Variants in KIF5B observed in about 807,000 individuals in gnomAD.
KIF5B encodes the protein kinesin-1 heavy chain.
In KIF5B, 49 loss-of-function variants were observed where a neutral mutation model predicts 132.8. That is an observed-to-expected ratio of 0.37 (90% CI 0.29 to 0.47). KIF5B has a LOEUF of 0.47. KIF5B is among the 20% of genes least tolerant of loss of function. The probability of loss-of-function intolerance (pLI) is 1.00; values close to 1 mark genes in which losing one functional copy is unlikely to be tolerated. For synonymous variants in KIF5B, 355 were observed against 369.4 expected (o/e 0.96, Z 0.45); for missense variants, 780 against 1,144.0 (o/e 0.68, Z 4.59).
At chr10:32,020,106 C>T in intron 19 of KIF5B, 147 bp from the exon 20 acceptor site, 1 of 557,372 alleles carries the variant, frequency 1.8e-6, no homozygotes, top group Non-Finnish European at 3.1e-6. Context: ...AGGAAAGGGA[C>T]CTGGCTACTT....
At chr10:32,055,808 C>A in intron 1 of KIF5B, 40 bp downstream of exon 1, 2 of 1,604,100 alleles carry the variant, frequency 1.2e-6, no homozygotes, top group South Asian at 1.1e-5. Flanking sequence ...CAGGCCGGCC[C>A]GAAGAAGCGG....
intron 2 of KIF5B, 27 bp from the exon 3 acceptor site, chr10:32,040,484 G>T: frequency 7.3e-7 from 1 of 1,376,870 alleles, no homozygotes; most frequent in South Asian, 1.2e-5. Context: ...TATAGTTCAG[G>T]GGATTTTTTC....
intron 12 of KIF5B, among the ~76,000 whole-genome samples, chr10:32,033,518 T>C (rs1841425993): frequency 6.6e-6 from 1 of 152,040 alleles, no homozygotes. Flanking sequence ...CCCAAAACCA[T>C]CTCCCCGACC....
intron 10 of KIF5B, 106 bp from the exon 11 acceptor site, chr10:32,034,944 T>A: frequency 1.2e-6 from 1 of 827,086 alleles, no homozygotes; most frequent in Non-Finnish European, 1.7e-6. Context: ...GCTTGTCCAG[T>A]AATCTCTTAG....
At chr10:32,034,084 G>T in intron 11 of KIF5B, 46 bp from the exon 12 acceptor site, 6 of 1,172,896 alleles carry the variant, frequency 5.1e-6, no homozygotes, top group Admixed American at 5.3e-5. Flanking sequence ...GACGTCTAAA[G>T]CTAATTTCAA....
chr10:32,030,432 T>C lies in KIF5B; in HGVS notation c.1581+641A>G, dbSNP rs560934941. Among the ~76,000 whole-genome samples, 209 of 151,838 alleles carry C rather than the reference T, an allele frequency of 1.4e-3. 2 individuals carry two copies. Among genetic ancestry groups the C allele is most frequent in the Middle Eastern group, 3.4e-3 (1 of 294 alleles). ...TCGGGAGACTGAGGCAGGAGAATCA[T>C]TGAACCCAGGAGGCAGAGGATGCAG... On this transcript the variant is annotated intron_variant, in intron 14 of 25. Coordinates refer to ENST00000302418, the MANE Select transcript of KIF5B (RefSeq NM_004521.3).
At chr10:32,040,571 A>G in intron 2 of KIF5B, 114 bp from the exon 3 acceptor site, 1 of 647,686 alleles carries the variant, frequency 1.5e-6, no homozygotes, top group East Asian at 2.7e-5. Context: ...AAAATTACTT[A>G]ATGTTACAGG....
chr10:32,021,245 T>G lies in KIF5B; in HGVS notation c.2075A>C (p.Gln692Pro). Residue 692 changes from glutamine (Q) to proline (P), a missense_variant, in exon 18 of 26, where the codon CAG (glutamine) becomes CCG (proline). Coordinates refer to ENST00000302418, the MANE Select transcript of KIF5B (RefSeq NM_004521.3). ...EMEKEHLNKV[Q>P]TANEVKQAVE... ...ACTTGCCTTAACTTCATTTGCAGTC[T>G]GAACCTTATTTAAGTGCTCCTTTTC... is the stretch of plus-strand genomic sequence containing the variant. The G allele has an allele frequency of 6.2e-7, 1 of 1,613,228 alleles. No homozygotes were observed. Among genetic ancestry groups the G allele is most frequent in the East Asian group, 2.2e-5 (1 of 44,832 alleles).
chr10:32,048,638 T>C, intron 1 of KIF5B, 87 bp from the exon 2 acceptor site: 5 of 929,130 alleles, frequency 5.4e-6, no homozygotes, highest in Non-Finnish European at 8.4e-6. Context: ...ATAATATATT[T>C]AATCCTCAAA....
intron 25 of KIF5B, among the ~76,000 whole-genome samples, chr10:32,011,810 A>G (rs1042270562): frequency 6.6e-6 from 1 of 152,116 alleles, no homozygotes; most frequent in African/African-American, 2.4e-5. Flanking sequence ...TGATTTATGA[A>G]TTGTATTTGT....
intron 13 of KIF5B, among the ~76,000 whole-genome samples, chr10:32,031,983 G>C (rs1240542348): frequency 2.0e-5 from 3 of 149,394 alleles, no homozygotes; most frequent in Non-Finnish European, 4.5e-5. Flanking sequence ...TGGGGAACAA[G>C]AGCAAGACTT....
intron 1 of KIF5B, among the ~76,000 whole-genome samples, chr10:32,054,953 T>C (rs1206242230): frequency 1.3e-5 from 2 of 152,010 alleles, no homozygotes; most frequent in East Asian, 1.9e-4. Context: ...TTCTTCAAGA[T>C]AGACCTTAAC....
Position 32,014,078 on chromosome 10 carries a change from T to A in KIF5B, c.*20+1431A>T, listed in dbSNP as rs78756330. 2.6e-5 allele frequency among the ~76,000 whole-genome samples: 4 copies of A among 152,318 alleles called. No individual in the cohort carries two copies. In the South Asian group the frequency reaches 8.3e-4, roughly 32 times the overall value. Reference sequence around the variant, plus strand: ...CATTTCATAATTATCTAGTATTTTTTATTTCCAAAGCACATACACACATCA... The same window carrying A: ...CATTTCATAATTATCTAGTATTTTTAATTTCCAAAGCACATACACACATCA... On this transcript the variant is annotated intron_variant, in intron 25 of 25. Coordinates refer to ENST00000302418, the MANE Select transcript of KIF5B (RefSeq NM_004521.3).
At position 32,019,976 on chromosome 10, in the gene KIF5B, A is replaced by G. The variant is rs764576884; in HGVS notation, c.2205-17T>C. The G allele has an allele frequency of 9.3e-6, 14 of 1,503,546 alleles. No individual in the cohort carries two copies. Among genetic ancestry groups the G allele is most frequent in the Admixed American group, 1.9e-5 (1 of 53,928 alleles). The allele number at this position is 1,503,546 out of a possible 1,614,324, so 93.1% of individuals were successfully genotyped here. A position where few individuals can be genotyped will look rare whatever the true frequency, so the allele number is the denominator to read the frequency against. On this transcript the variant is annotated splice_polypyrimidine_tract_variant and intron_variant, in intron 19 of 25. Coordinates refer to ENST00000302418, the MANE Select transcript of KIF5B (RefSeq NM_004521.3). ...TGGTTTTGGCTGACGAAAGAAAAAA[A>G]TAATTAACACAGTATCAATATCACA...
intron 15 of KIF5B, among the ~76,000 whole-genome samples, chr10:32,024,073 A>AG (rs1841301641): frequency 6.7e-6 from 1 of 149,214 alleles, no homozygotes; most frequent in Middle Eastern, 3.5e-3. Flanking sequence ...ACAAAAAAAA[A>AG]AAAACAAGAC....
intron 14 of KIF5B, among the ~76,000 whole-genome samples, chr10:32,030,241 G>A (rs1209467402): frequency 1.3e-5 from 2 of 152,152 alleles, no homozygotes; most frequent in Admixed American, 1.3e-4. Context: ...TAGTCGCCAG[G>A]CACGGTGGCT....
intron 2 of KIF5B, among the ~76,000 whole-genome samples, chr10:32,044,220 A>G (rs1428981879): frequency 6.6e-6 from 1 of 152,226 alleles, no homozygotes; most frequent in Non-Finnish European, 1.5e-5. Context: ...ACTGACATAA[A>G]TTACAAAGGT....
chr10:32,042,437 T>C (rs1284332983), intron 2 of KIF5B, among the ~76,000 whole-genome samples: 1 of 152,164 alleles, frequency 6.6e-6, no homozygotes, highest in Non-Finnish European at 1.5e-5. Context: ...CCCCAAAATA[T>C]CTGGGTAAAA....
chr10:32,053,621 G>T (rs368586038), intron 1 of KIF5B, among the ~76,000 whole-genome samples: 1 of 151,846 alleles, frequency 6.6e-6, no homozygotes, highest in Non-Finnish European at 1.5e-5. Flanking sequence ...CTACTGGGGC[G>T]GCTGAGGCAG....
Sources: allele counts gnomAD v4.1 joint callset (sites outside exome capture counted in the v4.1 genomes callset), GRCh38; gene constraint gnomAD v4.1.1; transcripts MANE v1.5; gene names NCBI Gene and HGNC (gene_info 2026-07-23, HGNC 2026-07-21).